Variants in KIF1A observed in about 807,000 individuals in gnomAD.
KIF1A encodes kinesin-like protein KIF1A.
In KIF1A, 46 loss-of-function variants were observed where a neutral mutation model predicts 227.3. The observed-to-expected ratio is 0.20, with a 90% confidence interval of 0.16 to 0.26. The LOEUF is 0.26. Among genes scored for constraint, KIF1A ranks in the 10% least tolerant of loss-of-function variants. KIF1A has a pLI of 1.00. For synonymous variants in KIF1A, 1,022 were observed against 1,012.8 expected (o/e 1.01, Z -0.17); for missense variants, 1,683 against 2,485.9 (o/e 0.68, Z 6.87).
intron 37 of KIF1A, among the ~76,000 whole-genome samples, chr2:240,738,073 C>T (rs2047556334): frequency 6.6e-6 from 1 of 152,228 alleles, no homozygotes; most frequent in South Asian, 2.1e-4. Context: ...CCATGCTGGG[C>T]AGTGCCCATG....
At chr2:240,745,404 G>A in intron 32 of KIF1A, 23 bp downstream of exon 32, 4 of 1,574,078 alleles carry the variant, frequency 2.5e-6, no homozygotes, top group Non-Finnish European at 3.5e-6. Context: ...GGCAGGGATG[G>A]GGAGAAGTGC....
intron 38 of KIF1A, among the ~76,000 whole-genome samples, chr2:240,727,971 G>A (rs903012842): frequency 3.3e-5 from 5 of 152,116 alleles, no homozygotes; most frequent in Admixed American, 1.3e-4. Context: ...TGAGCAGCAC[G>A]TTCAGCTCGC....
rs923725987 is a variant in KIF1A at position 240,790,947 on chromosome 2, G to C, written c.107-1635C>G. 1.3e-5 allele frequency among the ~76,000 whole-genome samples: 2 copies of C among 152,148 alleles called. No individual in the cohort carries two copies. The highest frequency in any genetic ancestry group is 2.4e-5 in the African/African-American group (1 of 41,410). ...TCCTTATGGCAGTTCAGGGCACTGA[G>C]ACCCCCTCTGGCCAAGCGTCTTGCT... On this transcript the variant is annotated intron_variant, in intron 2 of 48. Coordinates refer to ENST00000498729, the MANE Select transcript of KIF1A (RefSeq NM_001244008.2). The surrounding 1 kb of genome is among the most constrained non-coding windows in gnomAD (Gnocchi z 5.0).
At chr2:240,724,301 C>G (rs1291984078) in intron 40 of KIF1A, 2 of 525,800 alleles carry the variant, frequency 3.8e-6, no homozygotes, top group Non-Finnish European at 6.9e-6. Flanking sequence ...GCAGCCTCCA[C>G]TTTGTCCCAG....
At chr2:240,784,806 G>T (rs978307053) in intron 7 of KIF1A, among the ~76,000 whole-genome samples, 183 bp downstream of exon 7, 6 of 135,076 alleles carry the variant, frequency 4.4e-5, no homozygotes, top group Non-Finnish European at 6.3e-5. Flanking sequence ...TGGGAGAAGG[G>T]CCTCTGGGGC....
At chr2:240,780,030 C>A (rs1409318531) in intron 10 of KIF1A, among the ~76,000 whole-genome samples, 1 of 152,112 alleles carries the variant, frequency 6.6e-6, no homozygotes, top group East Asian at 1.9e-4. Flanking sequence ...TCAAGCAGAT[C>A]CTCTCACAGT....
At chr2:240,782,307 C>T (rs2054149621) in intron 10 of KIF1A, 1 of 691,932 alleles carries the variant, frequency 1.4e-6, no homozygotes, top group South Asian at 6.5e-5. Flanking sequence ...CCTCCCAGGG[C>T]CCCCACGCCC....
chr2:240,748,296 G>C (rs2048834925), intron 28 of KIF1A, among the ~76,000 whole-genome samples: 1 of 152,198 alleles, frequency 6.6e-6, no homozygotes, highest in African/African-American at 2.4e-5. Context: ...TAGGGTGCAG[G>C]ACAAAGGTAG....
rs546003530 is a variant in KIF1A at position 240,761,513 on chromosome 2, G to A, written c.2117-136C>T. The A allele has an allele frequency of 5.6e-4, 405 of 717,998 alleles. 1 individual carries two copies. The African/African-American group carries it at 6.2e-3, about 11-fold the overall frequency. The allele number at this position is 717,998 out of a possible 1,614,324, so 44.5% of individuals were successfully genotyped here. A position where few individuals can be genotyped will look rare whatever the true frequency, so the allele number is the denominator to read the frequency against. On this transcript the variant is annotated intron_variant, in intron 23 of 48. Coordinates refer to ENST00000498729, the MANE Select transcript of KIF1A (RefSeq NM_001244008.2). ...TGACCCTGTGCTCTGTGTACATCAC[G>A]GCCGGGTGGTTATCAGGTAACAAGA...
chr2:240,779,422 GTCCTCACTCACT>G (rs1559520948), intron 10 of KIF1A, among the ~76,000 whole-genome samples: 4 of 93,054 alleles, frequency 4.3e-5, no homozygotes. Context: ...CCACACTCAG[GTCCTCACTCACT>G]TCCTCACTCA....
Position 240,793,489 on chromosome 2 carries a change from T to C in KIF1A, c.106+4158A>G, listed in dbSNP as rs1559535702. 1.3e-5 allele frequency among the ~76,000 whole-genome samples: 2 copies of C among 152,168 alleles called. 1 individual carries two copies. The highest frequency in any genetic ancestry group is 4.8e-5 in the African/African-American group (2 of 41,438). ...GCGTCCCCAGCCAGCCTCCAGCATC[T>C]GCAGAATGGCTGGGCAGGCTCAGGG... On this transcript the variant is annotated intron_variant, in intron 2 of 48. Transcript: ENST00000498729. This position sits in a 1 kb window ranked among gnomAD's most constrained non-coding sequence, Gnocchi z 4.8.
At chr2:240,819,748 G>C (rs900383471) in intron 1 of KIF1A, among the ~76,000 whole-genome samples, 4 of 152,126 alleles carry the variant, frequency 2.6e-5, no homozygotes, top group African/African-American at 9.7e-5. Flanking sequence ...TCCTCTCCAG[G>C]GAAGCGGAAT....
At chr2:240,732,265 A>AG (rs545824855) in intron 38 of KIF1A, among the ~76,000 whole-genome samples, 1 of 56,622 alleles carries the variant, frequency 1.8e-5, no homozygotes, top group African/African-American at 8.6e-5. Context: ...TGAGGGGAGG[A>AG]GGGATGAAGG....
At chr2:240,734,684 G>GAAACCAAGGGT (rs1436638743) in intron 38 of KIF1A, 1 of 1,301,940 alleles carries the variant, frequency 7.7e-7, no homozygotes, top group East Asian at 5.5e-5. Flanking sequence ...AGGCTGAAAT[G>GAAACCAAGGGT]AAACCAAGGG....
intron 2 of KIF1A, among the ~76,000 whole-genome samples, chr2:240,795,596 G>A (rs937337857): frequency 2.0e-5 from 3 of 152,214 alleles, no homozygotes; most frequent in South Asian, 2.1e-4. Flanking sequence ...TGCCAGTGTC[G>A]AGGTCTTGGC....
rs755654610 is a variant in KIF1A at position 240,793,768 on chromosome 2, G to A, written c.106+3879C>T. Among the ~76,000 whole-genome samples the A allele has an allele frequency of 9.9e-5, 15 of 152,188 alleles. No homozygotes were observed. The highest frequency in any genetic ancestry group is 2.0e-4 in the Admixed American group (3 of 15,280). On this transcript the variant is annotated intron_variant, in intron 2 of 48. Coordinates refer to ENST00000498729, the MANE Select transcript of KIF1A (RefSeq NM_001244008.2). The surrounding 1 kb of genome is among the most constrained non-coding windows in gnomAD (Gnocchi z 4.8). Reference sequence around the variant, plus strand: ...ACTTTCAAATGCTTCCAATTTCTGCGTCACAGCGGAGCTACAAGGCACGCT... The same window carrying A: ...ACTTTCAAATGCTTCCAATTTCTGCATCACAGCGGAGCTACAAGGCACGCT...
intron 1 of KIF1A, among the ~76,000 whole-genome samples, chr2:240,799,544 C>T (rs2126159305): frequency 6.6e-6 from 1 of 152,360 alleles, no homozygotes; most frequent in South Asian, 2.1e-4. Flanking sequence ...AGAGTGCTTC[C>T]GCCACTATCT....
At chr2:240,819,760 G>C (rs2058594630) in intron 1 of KIF1A, among the ~76,000 whole-genome samples, 1 of 152,118 alleles carries the variant, frequency 6.6e-6, no homozygotes, top group African/African-American at 2.4e-5. Flanking sequence ...AAGCGGAATA[G>C]CCGGGGAAGG....
chr2:240,762,535 T>A (rs994085041), intron 23 of KIF1A, among the ~76,000 whole-genome samples, 184 bp downstream of exon 23: 1 of 152,008 alleles, frequency 6.6e-6, no homozygotes, highest in African/African-American at 2.4e-5. Context: ...TGGCACAGTA[T>A]CCCCCCTCCC....
Sources: gnomAD v4.1 joint callset for allele counts (sites outside exome capture counted in the v4.1 genomes callset) on GRCh38, gnomAD v4.1.1 for gene constraint, Gnocchi (gnomAD v3.1) non-coding constraint, MANE v1.5 for transcripts, NCBI Gene and HGNC (gene_info 2026-07-23, HGNC 2026-07-21) for gene names.